Variants in GUCY1A2 observed in about 807,000 individuals in gnomAD.
GUCY1A2 encodes the protein guanylate cyclase 1 soluble subunit alpha 2.
GUCY1A2 carries 27 observed loss-of-function variants against 63.5 expected under a neutral mutation model. The observed-to-expected ratio is 0.43, with a 90% CI of 0.31 to 0.59. The LOEUF is 0.59. Ranked by LOEUF, GUCY1A2 falls within the 20% of genes least tolerant of loss-of-function variation. The pLI, the probability that GUCY1A2 is intolerant of heterozygous loss-of-function variation, is 0.11. For missense variants in GUCY1A2, 768 were observed against 913.3 expected, an observed-to-expected ratio of 0.84 and a Z score of 2.05; for synonymous variants, 364 against 343.5, an observed-to-expected ratio of 1.06 and a Z score of -0.66.
At chr11:106,693,985 T>C (rs1164278292) in intron 7 of GUCY1A2, among the ~76,000 whole-genome samples, 2 of 152,202 alleles carry the variant, frequency 1.3e-5, no homozygotes, top group African/African-American at 2.4e-5. Flanking sequence ...TCTGTAAATA[T>C]CTTTCTATTT....
At chr11:106,814,988 T>C (rs2135426797) in intron 4 of GUCY1A2, among the ~76,000 whole-genome samples, 1 of 152,232 alleles carries the variant, frequency 6.6e-6, no homozygotes, top group East Asian at 1.9e-4. Flanking sequence ...GTTGGAATTA[T>C]CTGTCAAGAA....
chr11:106,804,605 C>T (rs11211918), intron 5 of GUCY1A2, among the ~76,000 whole-genome samples: 26,682 of 152,066 alleles, frequency 0.18, 2,628 homozygotes, highest in East Asian at 0.28. Flanking sequence ...GAAGGTCCAG[C>T]GAAGAAGAGA....
At chr11:106,825,855 C>T (rs1172758930) in intron 4 of GUCY1A2, among the ~76,000 whole-genome samples, 1 of 152,122 alleles carries the variant, frequency 6.6e-6, no homozygotes, top group Non-Finnish European at 1.5e-5. Flanking sequence ...GCATTCGACC[C>T]GTGGGCTAGA....
intron 6 of GUCY1A2, among the ~76,000 whole-genome samples, chr11:106,737,653 G>C (rs1863615136): frequency 6.6e-6 from 1 of 152,094 alleles, no homozygotes; most frequent in African/African-American, 2.4e-5. Flanking sequence ...GCGGTGTTTG[G>C]TTTTCTGTTC....
At chr11:106,798,734 T>A (rs2135417234) in intron 5 of GUCY1A2, among the ~76,000 whole-genome samples, 2 of 152,250 alleles carry the variant, frequency 1.3e-5, no homozygotes, top group East Asian at 1.9e-4. Context: ...CTAAAAACTC[T>A]CAATAAATTA....
chr11:106,723,956 T>A (rs1271416307), intron 6 of GUCY1A2, among the ~76,000 whole-genome samples: 1 of 152,260 alleles, frequency 6.6e-6, no homozygotes, highest in Non-Finnish European at 1.5e-5. Context: ...AAAGGGAGTT[T>A]CTTAAAAAAT....
At chr11:106,901,885 A>G (rs1860138959) in intron 4 of GUCY1A2, among the ~76,000 whole-genome samples, 1 of 152,050 alleles carries the variant, frequency 6.6e-6, no homozygotes. Context: ...CCAGTCTATC[A>G]CTGACGGACA....
chr11:106,914,857 G>A (rs1357934062), intron 4 of GUCY1A2, among the ~76,000 whole-genome samples: 1 of 151,964 alleles, frequency 6.6e-6, no homozygotes, highest in Non-Finnish European at 1.5e-5. Flanking sequence ...CTTGTAAGTT[G>A]TCACTCCATC....
chr11:106,779,747 T>C (rs1036883487), intron 5 of GUCY1A2, among the ~76,000 whole-genome samples: 1 of 152,238 alleles, frequency 6.6e-6, no homozygotes, highest in Non-Finnish European at 1.5e-5. Flanking sequence ...TTGCATTTTC[T>C]CCTTAGGAGT....
Position 106,677,314 on chromosome 11 carries a change from A to C in GUCY1A2, c.*10235T>G. 4.6e-6 allele frequency: 1 copy of C among 216,032 alleles called. No homozygotes were observed. The highest frequency in any genetic ancestry group is 6.8e-5 in the East Asian group (1 of 14,660). 13.4% of individuals were successfully genotyped at this position (216,032 alleles called of 1,614,324 possible). A position where few individuals can be genotyped will look rare whatever the true frequency, so the allele number is the denominator to read the frequency against. ...TAAAACTTATGTATATAAACCATTC[A>C]TTTCACATTCATCAAGAATTTTATT... On this transcript the variant is annotated 3_prime_UTR_variant, in exon 8 of 8. Coordinates refer to ENST00000526355, the MANE Select transcript of GUCY1A2 (RefSeq NM_000855.3).
chr11:106,876,067 T>C (rs550756421), intron 4 of GUCY1A2, among the ~76,000 whole-genome samples: 1 of 152,194 alleles, frequency 6.6e-6, no homozygotes, highest in South Asian at 2.1e-4. Context: ...TTAAAGTAAA[T>C]ATTCAGTCTG....
At chr11:106,894,906 A>G (rs1175475499) in intron 4 of GUCY1A2, among the ~76,000 whole-genome samples, 1 of 152,114 alleles carries the variant, frequency 6.6e-6, no homozygotes, top group Non-Finnish European at 1.5e-5. Flanking sequence ...TAAAGTCAGA[A>G]TAGAAACCTA....
chr11:106,699,938 C>T (rs112632333), intron 7 of GUCY1A2, among the ~76,000 whole-genome samples: 1 of 151,886 alleles, frequency 6.6e-6, no homozygotes, highest in Non-Finnish European at 1.5e-5. Context: ...CCCGTCCCCT[C>T]GCCTGGCTAA....
At chr11:106,694,578 G>T (rs1005754006) in intron 7 of GUCY1A2, among the ~76,000 whole-genome samples, 2 of 152,174 alleles carry the variant, frequency 1.3e-5, no homozygotes, top group Non-Finnish European at 2.9e-5. Context: ...GCAGAAGCAG[G>T]CTCCAGTTTT....
chr11:106,797,493 A>T (rs1433568834), intron 5 of GUCY1A2, among the ~76,000 whole-genome samples: 1 of 152,166 alleles, frequency 6.6e-6, no homozygotes, highest in African/African-American at 2.4e-5. Context: ...TCTCAGCACC[A>T]CATCGCAGTT....
chr11:106,978,257 C>T (rs575681874), intron 3 of GUCY1A2, among the ~76,000 whole-genome samples: 4 of 152,096 alleles, frequency 2.6e-5, no homozygotes, highest in African/African-American at 7.2e-5. Context: ...CAACCAGGAC[C>T]TCCCAGAAGT....
chr11:107,008,000 C>T (rs1467586405), intron 1 of GUCY1A2, among the ~76,000 whole-genome samples: 2 of 149,656 alleles, frequency 1.3e-5, no homozygotes, highest in African/African-American at 2.4e-5. Context: ...TCATACTATC[C>T]GGCCTGGTGC....
chr11:106,876,386 A>T (rs1279097216), intron 4 of GUCY1A2, among the ~76,000 whole-genome samples: 1 of 151,440 alleles, frequency 6.6e-6, no homozygotes, highest in Non-Finnish European at 1.5e-5. Flanking sequence ...AGTGAATTGT[A>T]AAAAAATTAA....
At chr11:106,787,071 A>G (rs187728542) in intron 5 of GUCY1A2, among the ~76,000 whole-genome samples, 1 of 152,174 alleles carries the variant, frequency 6.6e-6, no homozygotes, top group African/African-American at 2.4e-5. Flanking sequence ...GAAAATATTA[A>G]GAATTCATTT....
Sources: gnomAD v4.1 joint callset for allele counts (sites outside exome capture counted in the v4.1 genomes callset) on GRCh38, gnomAD v4.1.1 for gene constraint, MANE v1.5 for transcripts, NCBI Gene and HGNC (gene_info 2026-07-23, HGNC 2026-07-21) for gene names.